ERICH3: variants seen among roughly 807,000 people sequenced by gnomAD.
ERICH3 encodes the protein glutamate rich 3.
ERICH3 carries 126 observed loss-of-function variants against 131.1 expected under a neutral mutation model. The observed-to-expected ratio is 0.96, with a 90% CI of 0.83 to 1.11. The LOEUF (loss-of-function observed/expected upper bound fraction) is 1.11. Ranked by LOEUF, ERICH3 falls within the 50% of genes most tolerant of loss-of-function variation. The pLI is 0.00. For synonymous variants in ERICH3, 695 were observed against 644.6 expected (o/e 1.08, Z -1.18); for missense variants, 2,050 against 1,810.7 (o/e 1.13, Z -2.40).
rs1454452898 is a variant in ERICH3 at position 74,572,761 on chromosome 1, C to G, written c.2949G>C (p.Glu983Asp). ...AILGGEEPAKERKEVMRTETR... is the reference protein window; with the variant it reads ...AILGGEEPAKDRKEVMRTETR... ...TTTCTGTTCTCATAACCTCTTTTCT[C>G]TCTTTGGCTGGTTCCTCTCCCCCAA... Residue 983 changes from glutamate to aspartate, a missense_variant, in exon 14 of 15, where the codon GAG (glutamate) becomes GAC (aspartate). By Grantham distance (45) the Glu-to-Asp change is conservative (BLOSUM62 2). Transcript: ENST00000326665. 1.2e-6 allele frequency: 2 copies of G among 1,613,974 alleles called. No individual in the cohort carries two copies. The highest frequency in any genetic ancestry group is 2.2e-5 in the East Asian group (1 of 44,844).
At chr1:74,587,536 T>A (rs1054438393) in intron 12 of ERICH3, among the ~76,000 whole-genome samples, 2 of 152,056 alleles carry the variant, frequency 1.3e-5, no homozygotes, top group Non-Finnish European at 2.9e-5. Flanking sequence ...AAAAAACTAC[T>A]GTCTTCCAGG....
chr1:74,653,457 G>A (rs1207735330), intron 1 of ERICH3, among the ~76,000 whole-genome samples: 1 of 151,456 alleles, frequency 6.6e-6, no homozygotes, highest in Non-Finnish European at 1.5e-5. Flanking sequence ...AGAGAGAGAG[G>A]AGAAAGAGAG....
intron 7 of ERICH3, among the ~76,000 whole-genome samples, chr1:74,628,741 A>G (rs1180571325): frequency 6.6e-6 from 1 of 152,064 alleles, no homozygotes; most frequent in Non-Finnish European, 1.5e-5. Context: ...AAGAAGTATT[A>G]TTAGACAAAA....
At chr1:74,579,976 T>C in intron 12 of ERICH3, 1 of 772,692 alleles carries the variant, frequency 1.3e-6, no homozygotes, top group Non-Finnish European at 1.6e-6. Context: ...TATCAAAATA[T>C]TCTTATTTTA....
intron 1 of ERICH3, among the ~76,000 whole-genome samples, chr1:74,672,000 C>T (rs1248657901): frequency 6.6e-6 from 1 of 152,170 alleles, no homozygotes; most frequent in Non-Finnish European, 1.5e-5. Flanking sequence ...CACAAATTTC[C>T]CTTTTCCCCA....
chr1:74,572,361 C>T lies in ERICH3; in HGVS notation c.3349G>A (p.Ala1117Thr). Residue 1117 changes from alanine (A) to threonine (T), a missense_variant, in exon 14 of 15, where the codon GCT becomes ACT. Ala to Thr is a moderately conservative substitution (Grantham distance 58). Transcript: ENST00000326665. ...TEVRAEEETK[A>T]PPNEMGSDAE... is the part of the protein sequence containing the mutation. ...TCAGATCCCATTTCATTTGGGGGAG[C>T]TTTTGTCTCTTCCTCAGCTCTTACT... The T allele has an allele frequency of 6.2e-7, 1 of 1,613,770 alleles. No homozygotes were observed. The highest frequency in any genetic ancestry group is 2.2e-5 in the East Asian group (1 of 44,860).
intron 12 of ERICH3, chr1:74,579,812 A>G: frequency 1.0e-6 from 1 of 985,200 alleles, no homozygotes; most frequent in Non-Finnish European, 1.2e-6. Flanking sequence ...TCTTTTACCT[A>G]TCAATAAAGG....
At chr1:74,666,162 G>C (rs1297414899) in intron 1 of ERICH3, among the ~76,000 whole-genome samples, 2 of 152,080 alleles carry the variant, frequency 1.3e-5, no homozygotes, top group East Asian at 1.9e-4. Flanking sequence ...CCCAGAGCAT[G>C]GGGAAACCAT....
At chr1:74,586,337 T>G (rs696689) in intron 12 of ERICH3, 122,809 of 875,398 alleles carry the variant, frequency 0.14, 12,087 homozygotes, top group African/African-American at 0.45. Context: ...ATATGTATCT[T>G]TGTAATATAG....
intron 11 of ERICH3, among the ~76,000 whole-genome samples, chr1:74,591,604 C>A (rs1570834028): frequency 1.3e-5 from 2 of 152,228 alleles, no homozygotes; most frequent in East Asian, 3.9e-4. Flanking sequence ...GGCAGTGTGA[C>A]GACAGGGTGC....
intron 1 of ERICH3, among the ~76,000 whole-genome samples, chr1:74,672,578 T>A (rs10890139): frequency 0.21 from 31,979 of 152,100 alleles, 4,436 homozygotes; most frequent in East Asian, 0.63. Flanking sequence ...TGATCTCAAA[T>A]ATGTTGTCCT....
At chr1:74,591,411 G>A (rs945731126) in intron 11 of ERICH3, among the ~76,000 whole-genome samples, 9 of 152,106 alleles carry the variant, frequency 5.9e-5, no homozygotes, top group Non-Finnish European at 1.2e-4. Context: ...TTCATACTTC[G>A]GAAAAGTCAG....
chr1:74,647,407 T>G (rs1646495453), intron 2 of ERICH3, among the ~76,000 whole-genome samples: 1 of 152,086 alleles, frequency 6.6e-6, no homozygotes. Flanking sequence ...TACTGCTTTT[T>G]TTTTCTTCCA....
chr1:74,606,057 G>A (rs1325702516), intron 10 of ERICH3, among the ~76,000 whole-genome samples: 1 of 151,350 alleles, frequency 6.6e-6, no homozygotes, highest in Non-Finnish European at 1.5e-5. Context: ...TGGAGAGAGG[G>A]AGACAGAGAA....
chr1:74,626,078 A>G (rs1422214867), intron 7 of ERICH3: 1 of 152,220 alleles, frequency 6.6e-6, no homozygotes, highest in Non-Finnish European at 1.5e-5. Context: ...TAAATAAAAT[A>G]TATTAAAGTC....
intron 12 of ERICH3, among the ~76,000 whole-genome samples, chr1:74,587,523 A>G (rs553224728): frequency 9.9e-5 from 15 of 151,146 alleles, no homozygotes; most frequent in African/African-American, 2.9e-4. Context: ...AAACCCAGAG[A>G]AAAAAAAACT....
At position 74,648,100 on chromosome 1, in the gene ERICH3, A is replaced by T. The variant is rs77094115; in HGVS notation, c.117+1122T>A. 1.1e-3 allele frequency among the ~76,000 whole-genome samples: 165 copies of T among 152,226 alleles called. 1 individual carries two copies. The East Asian group carries it at 0.017, about 15-fold the overall frequency. The stretch of plus-strand genomic sequence containing the variant: ...TCTGTAGGGTTTCTGGGTGACCCTG[A>T]ACACTGCTAGCTGAGAGGCTATATT... On this transcript the variant is annotated intron_variant, in intron 2 of 14. Transcript: ENST00000326665.
rs1254332663 is a variant in ERICH3 at position 74,606,778 on chromosome 1, C to A, written c.1312G>T (p.Val438Leu). 1 of 1,613,276 alleles carries A rather than the reference C, an allele frequency of 6.2e-7. No homozygotes were observed. Among genetic ancestry groups the A allele is most frequent in the African/African-American group, 1.3e-5 (1 of 74,856 alleles). ...EGKVRKEREYVIPKRNEIKEN... is the reference protein window; with the variant it reads ...EGKVRKEREYLIPKRNEIKEN... Reference sequence around the variant, plus strand: ...TTGATCTCATTTCTTTTTGGTATCACATACTCTCTCTCTTTCCTCACTTTC... The same window carrying A: ...TTGATCTCATTTCTTTTTGGTATCAAATACTCTCTCTCTTTCCTCACTTTC... The change falls in exon 10 of 15, where the codon GTG becomes TTG. Residue 438 changes from valine to leucine, a missense_variant. By Grantham distance (32) the Val-to-Leu change is conservative. Coordinates refer to ENST00000326665, the MANE Select transcript of ERICH3 (RefSeq NM_001002912.5).
chr1:74,616,681 G>C (rs751479673), intron 8 of ERICH3, among the ~76,000 whole-genome samples: 1 of 151,908 alleles, frequency 6.6e-6, no homozygotes, highest in Non-Finnish European at 1.5e-5. Flanking sequence ...TTTGGACATA[G>C]GGTCTTCAAA....
Sources: gnomAD v4.1 joint callset for allele counts (sites outside exome capture counted in the v4.1 genomes callset) on GRCh38, gnomAD v4.1.1 for gene constraint, MANE v1.5 for transcripts, NCBI Gene and HGNC (gene_info 2026-07-23, HGNC 2026-07-21) for gene names.